UNC5C: variants seen among roughly 807,000 people sequenced by gnomAD.
UNC5C encodes netrin receptor UNC5C.
In UNC5C, 47 loss-of-function variants were observed where a neutral mutation model predicts 99.8. That is an observed-to-expected ratio of 0.47 (90% CI 0.37 to 0.60). The LOEUF (loss-of-function observed/expected upper bound fraction) is 0.60, where lower values mean the gene tolerates loss of function less well. UNC5C is among the 20% of genes least tolerant of loss of function. The pLI is 0.00. For synonymous variants in UNC5C, 487 were observed against 452.2 expected (o/e 1.08, Z -0.98); for missense variants, 1,062 against 1,165.9 (o/e 0.91, Z 1.30).
intron 1 of UNC5C, among the ~76,000 whole-genome samples, chr4:95,450,668 G>A (rs776628958): frequency 1.2e-4 from 18 of 152,204 alleles, no homozygotes; most frequent in Non-Finnish European, 1.9e-4. Flanking sequence ...TAAGAGTGAC[G>A]TGTTTCCACA....
At chr4:95,288,925 T>C (rs562498943) in intron 3 of UNC5C, among the ~76,000 whole-genome samples, 1 of 152,280 alleles carries the variant, frequency 6.6e-6, no homozygotes, top group South Asian at 2.1e-4. Context: ...ATTTACAAAT[T>C]CCAGAGATTA....
chr4:95,242,681 A>T (rs1739370980), intron 6 of UNC5C, 88 bp from the exon 7 acceptor site: 3 of 1,380,454 alleles, frequency 2.2e-6, no homozygotes. Context: ...ACAACAAAAC[A>T]AAACAAGAAC....
intron 7 of UNC5C, among the ~76,000 whole-genome samples, chr4:95,224,354 G>A (rs1243871545): frequency 6.6e-6 from 1 of 152,188 alleles, no homozygotes; most frequent in African/African-American, 2.4e-5. Context: ...CAAAAGGAAA[G>A]CCTATCTCCA....
intron 1 of UNC5C, among the ~76,000 whole-genome samples, chr4:95,488,109 G>A (rs993359037): frequency 9.2e-5 from 14 of 151,580 alleles, no homozygotes; most frequent in African/African-American, 3.4e-4. Context: ...GTCAAACTAC[G>A]GTAAGCCCAA....
intron 2 of UNC5C, among the ~76,000 whole-genome samples, chr4:95,317,358 G>C (rs1461057184): frequency 6.6e-6 from 1 of 152,184 alleles, no homozygotes; most frequent in African/African-American, 2.4e-5. Context: ...CATCTGGGAA[G>C]CCAACTGAGA....
intron 1 of UNC5C, among the ~76,000 whole-genome samples, chr4:95,353,354 A>G (rs1188616957): frequency 6.6e-6 from 1 of 152,066 alleles, no homozygotes; most frequent in Non-Finnish European, 1.5e-5. Context: ...ATTATATATT[A>G]TAAATTAAAT....
chr4:95,472,763 CAAACAG>C (rs1748014187), intron 1 of UNC5C, among the ~76,000 whole-genome samples: 1 of 152,080 alleles, frequency 6.6e-6, no homozygotes, highest in African/African-American at 2.4e-5. Context: ...TCATTTTCCT[CAAACAG>C]AAACACTGTT....
intron 14 of UNC5C, among the ~76,000 whole-genome samples, chr4:95,175,648 C>A (rs1228440384): frequency 1.3e-5 from 2 of 152,046 alleles, no homozygotes; most frequent in East Asian, 3.9e-4. Flanking sequence ...TGTGGGTAAC[C>A]CGACCTTTCT....
rs1325387466 is a variant in UNC5C, at chr4:95,232,194, CTATAT to C, written c.1108+10230_1108+10234del. Among the ~76,000 whole-genome samples the C allele has an allele frequency of 5.3e-5, 8 of 150,986 alleles. No individual in the cohort carries two copies. In the South Asian group the frequency reaches 1.3e-3, roughly 24 times the overall value. On this transcript the variant is annotated intron_variant, in intron 7 of 15. Coordinates refer to ENST00000453304, the MANE Select transcript of UNC5C (RefSeq NM_003728.4). ...AGTGTTTTTATATGTGTTATATAAA[CTATAT>C]TATGTTTTATATAAGTGTTATATAA... is the stretch of plus-strand genomic sequence containing the variant.
chr4:95,379,325 T>G (rs1387788278), intron 1 of UNC5C, among the ~76,000 whole-genome samples: 1 of 152,106 alleles, frequency 6.6e-6, no homozygotes, highest in Non-Finnish European at 1.5e-5. Flanking sequence ...TATTGGAAAA[T>G]TTGCTAAAAT....
chr4:95,428,144 G>A (rs1389898496), intron 1 of UNC5C, among the ~76,000 whole-genome samples: 5 of 151,316 alleles, frequency 3.3e-5, no homozygotes, highest in Non-Finnish European at 7.4e-5. Context: ...ATCCAGGAGT[G>A]TGATGTTCAT....
chr4:95,388,365 A>G (rs1408953659), intron 1 of UNC5C, among the ~76,000 whole-genome samples: 1 of 152,194 alleles, frequency 6.6e-6, no homozygotes, highest in African/African-American at 2.4e-5. Context: ...ATATAATCAA[A>G]CTAGCCATCT....
chr4:95,211,812 C>T (rs1047600082), intron 10 of UNC5C, among the ~76,000 whole-genome samples: 1 of 152,094 alleles, frequency 6.6e-6, no homozygotes, highest in Non-Finnish European at 1.5e-5. Flanking sequence ...GAAGTGTTTT[C>T]GTAAACTATC....
chr4:95,259,376 C>G (rs1740135825), intron 4 of UNC5C, among the ~76,000 whole-genome samples: 1 of 152,116 alleles, frequency 6.6e-6, no homozygotes, highest in African/African-American at 2.4e-5. Context: ...AAACCCCAAA[C>G]AACCCTAAAA....
chr4:95,380,986 A>G (rs957132620), intron 1 of UNC5C, among the ~76,000 whole-genome samples: 1 of 152,204 alleles, frequency 6.6e-6, no homozygotes, highest in Non-Finnish European at 1.5e-5. Flanking sequence ...TAAGTATGTA[A>G]TTTATATTAA....
rs376249140 is a variant in UNC5C at position 95,355,394 on chromosome 4, T to C, written c.125-19763A>G. ...TAAATACACTTGAGCTCTAGTACTCTTTAATCCCTCCACCAGTAATGTCTT... is the reference window on the plus strand; with the variant it reads ...TAAATACACTTGAGCTCTAGTACTCCTTAATCCCTCCACCAGTAATGTCTT... On this transcript the variant is annotated intron_variant, in intron 1 of 15. Transcript: ENST00000453304. Among the ~76,000 whole-genome samples, 24 of 152,282 alleles carry C rather than the reference T, an allele frequency of 1.6e-4. No homozygotes were observed. In the South Asian group the frequency reaches 4.3e-3, roughly 28 times the overall value.
chr4:95,514,171 T>C (rs1316718560), intron 1 of UNC5C, among the ~76,000 whole-genome samples: 1 of 152,170 alleles, frequency 6.6e-6, no homozygotes, highest in Non-Finnish European at 1.5e-5. Context: ...TGTTCAAAAA[T>C]TGTCAATAGT....
In UNC5C at chr4:95,471,396, C is replaced by T. The variant is rs79809998; in HGVS notation, c.124+77338G>A. ...CACTCAAAAAGGTCATTAGAAATTA[C>T]GCAGTGTTTAAATAAAGGGATTTCC... is the stretch of plus-strand genomic sequence containing the variant. On this transcript the variant is annotated intron_variant, in intron 1 of 15. Coordinates refer to ENST00000453304, the MANE Select transcript of UNC5C (RefSeq NM_003728.4). Among the ~76,000 whole-genome samples the T allele has an allele frequency of 2.8e-3, 433 of 152,122 alleles. 2 individuals carry two copies. The highest frequency in any genetic ancestry group is 0.01 in the Middle Eastern group (3 of 294).
At chr4:95,172,720 C>T (rs1204330563) in intron 14 of UNC5C, among the ~76,000 whole-genome samples, 5 of 151,816 alleles carry the variant, frequency 3.3e-5, no homozygotes, top group Middle Eastern at 3.4e-3. Flanking sequence ...CTTGGCAATG[C>T]GGGCTCTTTT....
Sources: allele counts gnomAD v4.1 joint callset (sites outside exome capture counted in the v4.1 genomes callset), GRCh38; gene constraint gnomAD v4.1.1; transcripts MANE v1.5; gene names NCBI Gene and HGNC (gene_info 2026-07-23, HGNC 2026-07-21).